HSP90B1: variants seen among roughly 807,000 people sequenced by gnomAD.
HSP90B1 encodes the protein heat shock protein 90 beta family member 1, also known as endoplasmin.
A neutral mutation model predicts 100.4 loss-of-function variants in HSP90B1; 27 were observed. That is an observed-to-expected ratio of 0.27 (90% confidence interval 0.20 to 0.37). The LOEUF is 0.37. Among genes scored for constraint, HSP90B1 ranks in the 10% least tolerant of loss-of-function variants. The pLI, the probability that HSP90B1 is intolerant of heterozygous loss-of-function variation, is 1.00. For synonymous variants in HSP90B1, 304 were observed against 330.8 expected (o/e 0.92, Z 0.88); for missense variants, 678 against 960.5 (o/e 0.71, Z 3.89).
At chr12:103,945,766 T>C (rs1870206212) in intron 14 of HSP90B1, among the ~76,000 whole-genome samples, 1 of 152,078 alleles carries the variant, frequency 6.6e-6, no homozygotes, top group Non-Finnish European at 1.5e-5. Flanking sequence ...GTCCACTTGC[T>C]CCCCACCCCA....
rs188052737 is a variant in HSP90B1 at position 103,930,982 on chromosome 12, T to C, written c.49+418T>C. Among the ~76,000 whole-genome samples the C allele has an allele frequency of 1.2e-4, 18 of 152,226 alleles. No homozygotes were observed. In the East Asian group the frequency reaches 2.9e-3, roughly 25 times the overall value. Reference sequence around the variant, plus strand: ...TCGCAAGCCCGTGTCCCTTCTTAGATGCTGGCCTCGGGAGCGTGAGGCCTG... The same window carrying C: ...TCGCAAGCCCGTGTCCCTTCTTAGACGCTGGCCTCGGGAGCGTGAGGCCTG... On this transcript the variant is annotated intron_variant, in intron 1 of 17. Transcript: ENST00000299767. The surrounding 1 kb of genome is among the most constrained non-coding windows in gnomAD (Gnocchi z 4.4).
rs199621152 is a variant in HSP90B1 at position 103,934,242 on chromosome 12, T to C, written c.698T>C (p.Ile233Thr). The C allele has an allele frequency of 2.5e-6, 4 of 1,614,206 alleles. No individual in the cohort carries two copies. In the East Asian group the frequency reaches 6.7e-5, roughly 27 times the overall value. Residue 233 changes from isoleucine (I) to threonine (T), a missense_variant, in exon 5 of 18, where the codon ATT becomes ACT. Around this residue, in one of 8 missense-constraint regions of HSP90B1, gnomAD observed 238 missense variants for 346.7 expected, o/e 0.69. Transcript: ENST00000299767. ...TCTGACTCCAATGAATTTTCTGTAA[T>C]TGCTGACCCAAGAGGAAACACTCTA... is the stretch of plus-strand genomic sequence containing the variant. ...WESDSNEFSV[I>T]ADPRGNTLGR...
chr12:103,942,513 T>C lies in HSP90B1; in HGVS notation c.1375-14T>C. 6.2e-7 allele frequency: 1 copy of C among 1,611,088 alleles called. No individual in the cohort carries two copies. Among genetic ancestry groups the C allele is most frequent in the Non-Finnish European group, 8.5e-7 (1 of 1,177,680 alleles). ...ATTAACTTCTCTAATCAGTTATTCTTTCATTGTGTTTAGGTGATTAGGAAG... is the reference window on the plus strand; with the variant it reads ...ATTAACTTCTCTAATCAGTTATTCTCTCATTGTGTTTAGGTGATTAGGAAG... On this transcript the variant is annotated splice_polypyrimidine_tract_variant and intron_variant, in intron 11 of 17. Coordinates refer to ENST00000299767, the MANE Select transcript of HSP90B1 (RefSeq NM_003299.3).
intron 5 of HSP90B1, among the ~76,000 whole-genome samples, chr12:103,936,773 T>C (rs1486345273): frequency 1.3e-5 from 2 of 152,130 alleles, no homozygotes; most frequent in African/African-American, 2.4e-5. Context: ...ACCTAAGATA[T>C]CTAACCAGCA....
intron 16 of HSP90B1, 119 bp downstream of exon 16, chr12:103,947,060 T>C: frequency 8.4e-7 from 1 of 1,196,660 alleles, no homozygotes; most frequent in East Asian, 2.4e-5. Flanking sequence ...TTTCTACCTT[T>C]TGAAAGAATT....
intron 14 of HSP90B1, among the ~76,000 whole-genome samples, chr12:103,944,740 G>T (rs548210992): frequency 1.3e-5 from 2 of 152,268 alleles, no homozygotes; most frequent in South Asian, 4.1e-4. Context: ...ATTTTTAGTA[G>T]AGACGGTGTT....
At chr12:103,940,088 TA>T (rs898194777) in intron 8 of HSP90B1, among the ~76,000 whole-genome samples, 1 of 151,814 alleles carries the variant, frequency 6.6e-6, no homozygotes, top group Non-Finnish European at 1.5e-5. Context: ...GTGATTTTTT[TA>T]AAAAAATTAT....
At position 103,943,002 on chromosome 12, in the gene HSP90B1, A is replaced by G; in HGVS notation, c.1645-72A>G. On this transcript the variant is annotated intron_variant, in intron 12 of 17. Transcript: ENST00000299767. This position sits in a 1 kb window ranked among gnomAD's most constrained non-coding sequence, Gnocchi z 5.3. ...ATGGAGTTTTTAATAATGTATAAAC[A>G]TAGCAGCTGCTAGGATAAACAAATA... The G allele has an allele frequency of 6.4e-7, 1 of 1,565,874 alleles. No homozygotes were observed. The highest frequency in any genetic ancestry group is 8.7e-7 in the Non-Finnish European group (1 of 1,154,860).
chr12:103,937,915 C>A, intron 6 of HSP90B1, 109 bp downstream of exon 6: 1 of 600,450 alleles, frequency 1.7e-6, no homozygotes, highest in South Asian at 2.0e-5. Context: ...GCTTGTAATC[C>A]CCGCACTTTG....
chr12:103,941,837 C>T lies in HSP90B1; in HGVS notation c.1314C>T (p.Asp438=). The part of the protein sequence containing the change: ...KYLNFVKGVV[D]SDDLPLNVSR... ...CTTTCTTTTGCCATCTGAAGGTGGA[C>T]TCAGATGATCTCCCCTTGAATGTTT... Residue 438 remains aspartate (D), a synonymous_variant, in exon 11 of 18, where the codon GAC becomes GAT. Coordinates refer to ENST00000299767, the MANE Select transcript of HSP90B1 (RefSeq NM_003299.3). The T allele has an allele frequency of 1.2e-6, 2 of 1,613,352 alleles. No individual in the cohort carries two copies. The highest frequency in any genetic ancestry group is 1.3e-5 in the African/African-American group (1 of 74,986).
intron 11 of HSP90B1, among the ~76,000 whole-genome samples, 169 bp from the exon 12 acceptor site, chr12:103,942,358 G>A (rs984415772): frequency 5.3e-5 from 8 of 152,196 alleles, no homozygotes; most frequent in Non-Finnish European, 1.0e-4. Context: ...ACGGACAGCT[G>A]AATTTCAGCC....
intron 2 of HSP90B1, 131 bp from the exon 3 acceptor site, chr12:103,932,146 T>A (rs1165682): frequency 0.65 from 410,258 of 632,022 alleles, 136,141 homozygotes; most frequent in South Asian, 0.84. Flanking sequence ...GTATATCAGT[T>A]ATATTTTATA....
At position 103,946,636 on chromosome 12, in the gene HSP90B1, G is replaced by A; in HGVS notation, c.2046G>A (p.Lys682=). ...TTAACAGTTACTATGCGAGTCAGAA[G>A]AAAACATTTGAAATTAATCCCAGAC... ...DISTNYYASQ[K]KTFEINPRHP... Residue 682 remains lysine, a synonymous_variant, in exon 15 of 18, where the codon AAG becomes AAA. Coordinates refer to ENST00000299767, the MANE Select transcript of HSP90B1 (RefSeq NM_003299.3). 4 of 1,613,602 alleles carry A rather than the reference G, an allele frequency of 2.5e-6. No individual in the cohort carries two copies. Among genetic ancestry groups the A allele is most frequent in the Middle Eastern group, 3.3e-4 (2 of 6,062 alleles).
At chr12:103,940,235 G>A (rs1870035616) in intron 8 of HSP90B1, among the ~76,000 whole-genome samples, 1 of 151,990 alleles carries the variant, frequency 6.6e-6, no homozygotes, top group African/African-American at 2.4e-5. Flanking sequence ...GTTGTTAAGT[G>A]GCTTTTAATA....
intron 11 of HSP90B1, 82 bp downstream of exon 11, chr12:103,941,979 A>G: frequency 3.9e-6 from 4 of 1,020,656 alleles, no homozygotes; most frequent in Non-Finnish European, 6.2e-6. Context: ...GAGTAAAACC[A>G]GATTTTGGGT....
At position 103,942,619 on chromosome 12, in the gene HSP90B1, T is replaced by G. The variant is rs1349194415; in HGVS notation, c.1467T>G (p.Gly489=). The G allele has an allele frequency of 6.2e-7, 1 of 1,613,924 alleles. No homozygotes were observed. Among genetic ancestry groups the G allele is most frequent in the Non-Finnish European group, 8.5e-7 (1 of 1,179,908 alleles). The stretch of plus-strand genomic sequence containing the variant: ...ATGATACTTTTTGGAAAGAATTTGG[T>G]ACCAACATCAAGCTTGGTGTGATTG... The part of the protein sequence containing the change: ...KYNDTFWKEF[G]TNIKLGVIED... Residue 489 remains glycine (G), a synonymous_variant, in exon 12 of 18, where the codon GGT becomes GGG. Transcript: ENST00000299767.
intron 17 of HSP90B1, 39 bp from the exon 18 acceptor site, chr12:103,947,594 A>G: frequency 6.4e-7 from 1 of 1,554,544 alleles, no homozygotes; most frequent in Non-Finnish European, 8.7e-7. Context: ...TTTTCTGCTA[A>G]CTTTTAATAC....
chr12:103,936,982 G>A (rs1593488949), intron 5 of HSP90B1, among the ~76,000 whole-genome samples: 1 of 152,174 alleles, frequency 6.6e-6, no homozygotes, highest in Admixed American at 6.5e-5. Flanking sequence ...GGGAACACAA[G>A]TATCAAGATA....
chr12:103,940,927 T>G (rs547651695), intron 8 of HSP90B1, among the ~76,000 whole-genome samples: 1 of 152,328 alleles, frequency 6.6e-6, no homozygotes, highest in South Asian at 2.1e-4. Context: ...ATAATGCAGA[T>G]CAAGAGAATT....
Sources: allele counts gnomAD v4.1 joint callset (sites outside exome capture counted in the v4.1 genomes callset), GRCh38; gene constraint gnomAD v4.1.1; regional missense constraint gnomAD v4.1.1; non-coding constraint Gnocchi (gnomAD v3.1); transcripts MANE v1.5; gene names NCBI Gene and HGNC (gene_info 2026-07-23, HGNC 2026-07-21).